IQSEC1: variants seen among roughly 807,000 people sequenced by gnomAD.
IQSEC1 encodes the protein IQ motif and Sec7 domain ArfGEF 1.
IQSEC1 carries 31 observed loss-of-function variants against 91.0 expected under a neutral mutation model. The ratio of observed to expected loss-of-function variants is 0.34; its 90% CI spans 0.26 to 0.46. The LOEUF (loss-of-function observed/expected upper bound fraction) is 0.46, where lower values mean the gene tolerates loss of function less well. Ranked by LOEUF, IQSEC1 falls within the 20% of genes least tolerant of loss-of-function variation. The pLI is 1.00. For missense variants in IQSEC1, 1,388 were observed against 1,575.6 expected (o/e 0.88, Z 2.02); for synonymous variants, 699 against 662.6 (o/e 1.05, Z -0.84).
At chr3:12,933,086 TGA>T (rs371299906) in intron 3 of IQSEC1, among the ~76,000 whole-genome samples, 219 of 152,266 alleles carry the variant, frequency 1.4e-3, no homozygotes, top group African/African-American at 4.8e-3. Context: ...GGGTGGGAAC[TGA>T]GAGCTGTGCT....
At chr3:13,254,587 A>G (rs1487196700) in intron 1 of IQSEC1, among the ~76,000 whole-genome samples, 2 of 152,264 alleles carry the variant, frequency 1.3e-5, no homozygotes, top group Admixed American at 1.3e-4. Context: ...AACCAGCTCA[A>G]GCCCCCTTCG....
chr3:12,910,085 G>C (rs1162190925), intron 10 of IQSEC1, among the ~76,000 whole-genome samples: 2 of 152,330 alleles, frequency 1.3e-5, no homozygotes, highest in African/African-American at 4.8e-5. Context: ...GCCCATTACT[G>C]CCACGTGGGA....
chr3:12,984,848 G>T (rs968409602), intron 1 of IQSEC1, among the ~76,000 whole-genome samples: 6 of 115,886 alleles, frequency 5.2e-5, no homozygotes, highest in Non-Finnish European at 1.7e-5. Context: ...TTTTTGAGAC[G>T]GAGTCTCACT....
intron 3 of IQSEC1, among the ~76,000 whole-genome samples, chr3:12,925,157 A>G (rs1397733459): frequency 6.6e-6 from 1 of 152,074 alleles, no homozygotes; most frequent in East Asian, 1.9e-4. Context: ...ACTCCCGCAC[A>G]CACATTCAGA....
At chr3:13,024,469 CCACCCATCCATCCATCTGTCCATCCATT>C (rs1391084953) in intron 1 of IQSEC1, among the ~76,000 whole-genome samples, 1 of 149,484 alleles carries the variant, frequency 6.7e-6, no homozygotes, top group African/African-American at 2.5e-5. Flanking sequence ...GTCCATCCAT[CCACCCATCCATCCATCTGTCCATCCATT>C]CACCCATCCA....
chr3:13,258,822 C>A (rs899260262), intron 1 of IQSEC1, among the ~76,000 whole-genome samples: 1 of 152,208 alleles, frequency 6.6e-6, no homozygotes, highest in Non-Finnish European at 1.5e-5. Context: ...CCTCGCCCCC[C>A]TCCCCACCCC....
chr3:13,008,483 C>A lies in IQSEC1; in HGVS notation c.23+64509G>T, dbSNP rs909117390. 6.6e-6 allele frequency among the ~76,000 whole-genome samples: 1 copy of A among 152,194 alleles called. No homozygotes were observed. The highest frequency in any genetic ancestry group is 2.4e-5 in the African/African-American group (1 of 41,452). On this transcript the variant is annotated intron_variant, in intron 1 of 13. Transcript: ENST00000613206. The surrounding 1 kb of genome is among the most constrained non-coding windows in gnomAD (Gnocchi z 4.1). ...CTTCCCTCTGCCACCTGGCTGGCCCCCATCTTTGCTAGCCACCTCCTTCTT... is the reference window on the plus strand; with the variant it reads ...CTTCCCTCTGCCACCTGGCTGGCCCACATCTTTGCTAGCCACCTCCTTCTT...
chr3:13,102,829 G>A (rs543586646), intron 2 of IQSEC1, among the ~76,000 whole-genome samples: 9 of 152,266 alleles, frequency 5.9e-5, no homozygotes, highest in Non-Finnish European at 1.3e-4. Context: ...GCTCGTTCAC[G>A]GCTGCACCCC....
intron 1 of IQSEC1, among the ~76,000 whole-genome samples, chr3:13,273,821 G>A (rs1318495675): frequency 1.3e-5 from 2 of 152,124 alleles, no homozygotes; most frequent in African/African-American, 4.8e-5. Context: ...TGGCCCTGCT[G>A]GCTCTGCCTC....
intron 1 of IQSEC1, among the ~76,000 whole-genome samples, chr3:13,038,646 G>A (rs1189657016): frequency 6.6e-6 from 1 of 152,058 alleles, no homozygotes; most frequent in African/African-American, 2.4e-5. Context: ...AAAAATAATT[G>A]AAAGAGTATA....
At chr3:13,095,461 T>C (rs1326716998) in intron 2 of IQSEC1, among the ~76,000 whole-genome samples, 3 of 152,192 alleles carry the variant, frequency 2.0e-5, no homozygotes, top group African/African-American at 4.8e-5. Flanking sequence ...CGGGGGCTGA[T>C]GGACAGAGCT....
chr3:12,937,166 C>T (rs1698279395), intron 2 of IQSEC1, among the ~76,000 whole-genome samples: 1 of 152,140 alleles, frequency 6.6e-6, no homozygotes, highest in Non-Finnish European at 1.5e-5. Context: ...CTCCTGACCT[C>T]AGGTGATCCA....
At position 13,095,914 on chromosome 3, in the gene IQSEC1, C is replaced by T. The variant is rs371226901; in HGVS notation, c.303-48392G>A. Among the ~76,000 whole-genome samples, 59 of 152,324 alleles carry T rather than the reference C, an allele frequency of 3.9e-4. 1 individual carries two copies. The South Asian group carries it at 9.7e-3, about 25-fold the overall frequency. On this transcript the variant is annotated intron_variant, in intron 2 of 15. Transcript: ENST00000648114. ...ATTCACGTGAGACCTCATGCATTCA[C>T]TGATTTATTCACACATGCCTGCATT...
intron 1 of IQSEC1, among the ~76,000 whole-genome samples, chr3:13,267,251 T>C (rs1292794151): frequency 1.3e-5 from 2 of 152,232 alleles, no homozygotes; most frequent in Non-Finnish European, 1.5e-5. Context: ...ACACTGAACC[T>C]GCTGGCACCT....
intron 1 of IQSEC1, among the ~76,000 whole-genome samples, chr3:13,049,816 T>C (rs997853253): frequency 1.3e-5 from 2 of 152,210 alleles, no homozygotes; most frequent in Admixed American, 6.5e-5. Flanking sequence ...CATTGAGCTA[T>C]GCAACAGAGG....
At chr3:13,196,652 C>T (rs894103550) in intron 1 of IQSEC1, among the ~76,000 whole-genome samples, 15 of 152,214 alleles carry the variant, frequency 9.9e-5, no homozygotes, top group Non-Finnish European at 1.5e-4. Context: ...GAAGAACACA[C>T]GTTTCTGATT....
intron 5 of IQSEC1, among the ~76,000 whole-genome samples, chr3:12,921,539 A>C (rs1055206324): frequency 6.6e-6 from 1 of 152,256 alleles, no homozygotes; most frequent in Non-Finnish European, 1.5e-5. Flanking sequence ...AAGTGTGCCC[A>C]CATGTCCTGT....
intron 1 of IQSEC1, among the ~76,000 whole-genome samples, chr3:13,176,100 A>T (rs1456126537): frequency 6.6e-6 from 1 of 152,200 alleles, no homozygotes; most frequent in South Asian, 2.1e-4. Context: ...ACACTCAAGC[A>T]ACCTATGGAG....
At chr3:12,980,423 T>C (rs1701394635) in intron 1 of IQSEC1, among the ~76,000 whole-genome samples, 1 of 152,182 alleles carries the variant, frequency 6.6e-6, no homozygotes, top group Admixed American at 6.5e-5. Flanking sequence ...ATGATGAGCA[T>C]CCCTCATGCA....
Sources: allele counts gnomAD v4.1 joint callset (sites outside exome capture counted in the v4.1 genomes callset), GRCh38; gene constraint gnomAD v4.1.1; non-coding constraint Gnocchi (gnomAD v3.1); transcripts MANE v1.5; gene names NCBI Gene and HGNC (gene_info 2026-07-23, HGNC 2026-07-21).